CDC42BPB: variants seen among roughly 807,000 people sequenced by gnomAD.
CDC42BPB encodes CDC42 binding protein kinase beta.
A neutral mutation model predicts 214.9 loss-of-function variants in CDC42BPB; 37 were observed. The observed-to-expected ratio is 0.17, with a 90% CI of 0.13 to 0.23. The LOEUF is 0.23. Among genes scored for constraint, CDC42BPB ranks in the 10% least tolerant of loss-of-function variants. The pLI is 1.00. For missense variants in CDC42BPB, 1,694 were observed against 2,227.0 expected, an observed-to-expected ratio of 0.76 and a Z score of 4.82; for synonymous variants, 931 against 884.0, an observed-to-expected ratio of 1.05 and a Z score of -0.94.
At chr14:103,051,165 G>GGGGGGGGGGA (rs1888586907) in intron 1 of CDC42BPB, among the ~76,000 whole-genome samples, 1 of 58,760 alleles carries the variant, frequency 1.7e-5, no homozygotes. Flanking sequence ...GGGGGGGCGG[G>GGGGGGGGGGA]AGATTACTAC....
intron 14 of CDC42BPB, chr14:102,968,969 A>T: frequency 1.2e-6 from 1 of 843,028 alleles, no homozygotes; most frequent in South Asian, 5.4e-5. Flanking sequence ...CACCCTGTTC[A>T]TTCATGCTTG....
intron 30 of CDC42BPB, chr14:102,941,227 C>A: frequency 1.0e-6 from 1 of 985,446 alleles, no homozygotes; most frequent in South Asian, 4.7e-5. Flanking sequence ...GGCGGCAAGC[C>A]CCAAATGCAA....
rs187515766 is a variant in CDC42BPB, at chr14:103,024,043, C to T, written c.176-11855G>A. 4.5e-4 allele frequency among the ~76,000 whole-genome samples: 69 copies of T among 152,256 alleles called. No homozygotes were observed. In the East Asian group the frequency reaches 0.011, roughly 24 times the overall value. On this transcript the variant is annotated intron_variant, in intron 1 of 36. Transcript: ENST00000361246. The stretch of plus-strand genomic sequence containing the variant: ...GCTGCACTGGAGCAGGATGAGAAAT[C>T]GAGAATGAATCCTCACTCCTTCCTA...
At position 102,946,449 on chromosome 14, in the gene CDC42BPB, C is replaced by T. The variant is rs370358834; in HGVS notation, c.3748+19G>A. ...GCTGTTGCTTCAGACACCTGAAGGACACAACCTTTGGGACGTACCCACGAT... is the reference window on the plus strand; with the variant it reads ...GCTGTTGCTTCAGACACCTGAAGGATACAACCTTTGGGACGTACCCACGAT... On this transcript the variant is annotated intron_variant, in intron 28 of 36. Coordinates refer to ENST00000361246, the MANE Select transcript of CDC42BPB (RefSeq NM_006035.4). 3.1e-6 allele frequency: 5 copies of T among 1,611,960 alleles called. No homozygotes were observed. The Middle Eastern group carries it at 5.3e-4, about 171-fold the overall frequency.
chr14:102,986,732 C>T, intron 5 of CDC42BPB, 152 bp from the exon 6 acceptor site: 1 of 1,345,216 alleles, frequency 7.4e-7, no homozygotes, highest in Non-Finnish European at 9.6e-7. Context: ...GTGTGACATT[C>T]AGCTGGCATG....
chr14:103,028,154 T>A (rs1242772941), intron 1 of CDC42BPB, among the ~76,000 whole-genome samples: 1 of 151,782 alleles, frequency 6.6e-6, no homozygotes, highest in Non-Finnish European at 1.5e-5. Flanking sequence ...AAAACAATAA[T>A]AAAAAACCAA....
At chr14:102,992,923 G>A (rs888618375) in intron 5 of CDC42BPB, among the ~76,000 whole-genome samples, 2 of 151,740 alleles carry the variant, frequency 1.3e-5, no homozygotes, top group East Asian at 1.9e-4. Flanking sequence ...TGACTCCCTG[G>A]GTTCAAGCGA....
At chr14:103,021,138 T>C (rs963083052) in intron 1 of CDC42BPB, among the ~76,000 whole-genome samples, 10 of 152,264 alleles carry the variant, frequency 6.6e-5, no homozygotes, top group East Asian at 5.8e-4. Context: ...CTTGAGACTT[T>C]AGAGGATTAA....
chr14:102,954,397 G>C, intron 22 of CDC42BPB, 122 bp from the exon 23 acceptor site: 1 of 1,442,906 alleles, frequency 6.9e-7, no homozygotes, highest in South Asian at 1.5e-5. Flanking sequence ...TTTTTAATTT[G>C]CTACAATGTT....
intron 36 of CDC42BPB, among the ~76,000 whole-genome samples, chr14:102,935,201 C>CA (rs1442251427): frequency 6.6e-6 from 1 of 151,874 alleles, no homozygotes; most frequent in Non-Finnish European, 1.5e-5. Context: ...CATGATTATA[C>CA]ACGTAGAAAA....
At chr14:103,024,639 G>C (rs1045746821) in intron 1 of CDC42BPB, among the ~76,000 whole-genome samples, 13 of 152,142 alleles carry the variant, frequency 8.5e-5, no homozygotes, top group Non-Finnish European at 1.6e-4. Flanking sequence ...GAGAAGGCAG[G>C]ATCTTTTAAT....
chr14:103,035,582 G>T (rs184560033), intron 1 of CDC42BPB, among the ~76,000 whole-genome samples: 1,913 of 151,080 alleles, frequency 0.013, 18 homozygotes, highest in Non-Finnish European at 0.019. Flanking sequence ...GGCTCATGCC[G>T]GTAATCCCAG....
At position 102,950,482 on chromosome 14, in the gene CDC42BPB, T is replaced by A; in HGVS notation, c.3293A>T (p.Tyr1098Phe). The A allele has an allele frequency of 1.2e-6, 2 of 1,613,200 alleles. No individual in the cohort carries two copies. The highest frequency in any genetic ancestry group is 1.7e-6 in the Non-Finnish European group (2 of 1,179,976). Residue 1098 changes from tyrosine to phenylalanine, a missense_variant, in exon 25 of 37, where the codon TAC becomes TTC. By Grantham distance (22) the Tyr-to-Phe change is conservative. Transcript: ENST00000361246. ...GCCGCCTACCTTGACATGGCCTTTG[T>A]AGGCTGTTCCGATGCCTCGCTGCAC... Reference protein sequence around the residue: ...VDVQRGIGTAYKGHVKVPKPT... With the variant: ...VDVQRGIGTAFKGHVKVPKPT...
At chr14:103,032,593 G>A (rs1887448767) in intron 1 of CDC42BPB, among the ~76,000 whole-genome samples, 1 of 144,554 alleles carries the variant, frequency 6.9e-6, no homozygotes. Context: ...AAGAGATTAA[G>A]GAGGTGTACA....
At chr14:102,939,556 G>A (rs2139344382) in intron 34 of CDC42BPB, 54 bp downstream of exon 34, 2 of 1,275,744 alleles carry the variant, frequency 1.6e-6, no homozygotes, top group African/African-American at 1.5e-5. Flanking sequence ...GGCTGCCTGA[G>A]CGGGGAGGAG....
chr14:103,014,685 C>A (rs1317878689), intron 1 of CDC42BPB, among the ~76,000 whole-genome samples: 1 of 152,060 alleles, frequency 6.6e-6, no homozygotes, highest in Non-Finnish European at 1.5e-5. Flanking sequence ...GTTCCAGGGG[C>A]CTGGGAGACA....
rs549971170 is a variant in CDC42BPB, at chr14:102,943,155, A to T, written c.4408+736T>A. Among the ~76,000 whole-genome samples the T allele has an allele frequency of 6.6e-6, 1 of 152,218 alleles. No homozygotes were observed. Among genetic ancestry groups the T allele is most frequent in the East Asian group, 1.9e-4 (1 of 5,178 alleles). The stretch of plus-strand genomic sequence containing the variant: ...CCAAAGTGCTGGGATTACAGGTGTG[A>T]GCCATATTTTGTTATTTAGTAGAGA... On this transcript the variant is annotated intron_variant, in intron 30 of 36. Coordinates refer to ENST00000361246, the MANE Select transcript of CDC42BPB (RefSeq NM_006035.4). This position sits in a 1 kb window ranked among gnomAD's most constrained non-coding sequence, Gnocchi z 4.6.
intron 12 of CDC42BPB, among the ~76,000 whole-genome samples, chr14:102,972,603 G>A (rs927874660): frequency 2.0e-5 from 3 of 150,202 alleles, no homozygotes; most frequent in African/African-American, 7.4e-5. Context: ...GCAGGAGAAC[G>A]GTGTGAACCT....
chr14:103,057,374 C>T lies in CDC42BPB; in HGVS notation c.-201G>A. 13 of 973,938 alleles carry T rather than the reference C, an allele frequency of 1.3e-5. No individual in the cohort carries two copies. The highest frequency in any genetic ancestry group is 1.8e-5 in the African/African-American group (1 of 56,666). 60.3% of individuals were successfully genotyped at this position (973,938 alleles called of 1,614,324 possible). A position where few individuals can be genotyped will look rare whatever the true frequency, so the allele number is the denominator to read the frequency against. Reference sequence around the variant, plus strand: ...ACGGCGCAGAGTCTGGGGCGCCGGGCCCCGCGGGTCCATGGGCCGCTCTCC... The same window carrying T: ...ACGGCGCAGAGTCTGGGGCGCCGGGTCCCGCGGGTCCATGGGCCGCTCTCC... On this transcript the variant is annotated 5_prime_UTR_variant, in exon 1 of 37. Coordinates refer to ENST00000361246, the MANE Select transcript of CDC42BPB (RefSeq NM_006035.4).
Sources: gnomAD v4.1 joint callset for allele counts (sites outside exome capture counted in the v4.1 genomes callset) on GRCh38, gnomAD v4.1.1 for gene constraint, Gnocchi (gnomAD v3.1) non-coding constraint, MANE v1.5 for transcripts, NCBI Gene and HGNC (gene_info 2026-07-23, HGNC 2026-07-21) for gene names.